Variants in ALDH2 observed in about 807,000 individuals in gnomAD.
ALDH2 encodes the protein aldehyde dehydrogenase 2 family member, also known as aldehyde dehydrogenase, mitochondrial.
In ALDH2, 44 loss-of-function variants were observed where a neutral mutation model predicts 59.6. The ratio of observed to expected loss-of-function variants is 0.74; its 90% CI spans 0.58 to 0.95. ALDH2 has a LOEUF of 0.95. Ranked by LOEUF, ALDH2 falls within the 40% of genes least tolerant of loss-of-function variation. ALDH2 has a pLI of 0.00. For missense variants in ALDH2, 570 were observed against 696.3 expected (o/e 0.82, Z 2.04); for synonymous variants, 291 against 284.0 (o/e 1.02, Z -0.25).
chr12:111,787,622 G>A (rs1023720890), intron 4 of ALDH2, among the ~76,000 whole-genome samples: 5 of 152,138 alleles, frequency 3.3e-5, no homozygotes, highest in South Asian at 2.1e-4. Context: ...TGGGCCGGGC[G>A]CAGTGGCTCA....
rs749678731 is a variant in ALDH2, at chr12:111,783,168, A to T, written c.230A>T (p.Asp77Val). 22 of 1,611,432 alleles carry T rather than the reference A, an allele frequency of 1.4e-5. No individual in the cohort carries two copies. Among genetic ancestry groups the T allele is most frequent in the Non-Finnish European group, 1.8e-5 (21 of 1,178,204 alleles). ...TCCTGTGTTTTCTAGGAAGATGTGG[A>T]CAAGGCAGTGAAGGCCGCCCGGGCC... ...QVAEGDKEDV[D>V]KAVKAARAAF... Residue 77 changes from aspartate to valine, a missense_variant, in exon 3 of 13, where the codon GAC becomes GTC. Asp to Val is a radical substitution (Grantham distance 152). Transcript: ENST00000261733.
chr12:111,789,522 A>AG (rs2136017444), intron 4 of ALDH2, among the ~76,000 whole-genome samples: 1 of 150,544 alleles, frequency 6.6e-6, no homozygotes. Flanking sequence ...AAAGAAAGAA[A>AG]AAAAAAAAAT....
chr12:111,790,364 C>A lies in ALDH2; in HGVS notation c.553-70C>A, dbSNP rs1006282909. Reference sequence around the variant, plus strand: ...GTGCTGCTTCTGCCCTCTGGGGTTGCCACCTTCTGCTACCCAGTGTAGTTC... The same window carrying A: ...GTGCTGCTTCTGCCCTCTGGGGTTGACACCTTCTGCTACCCAGTGTAGTTC... On this transcript the variant is annotated intron_variant, in intron 5 of 12. Coordinates refer to ENST00000261733, the MANE Select transcript of ALDH2 (RefSeq NM_000690.4). The A allele has an allele frequency of 1.2e-5, 19 of 1,601,708 alleles. No homozygotes were observed. In the Admixed American group the frequency reaches 2.7e-4, roughly 23 times the overall value.
chr12:111,789,485 C>T (rs2068338705), intron 4 of ALDH2, among the ~76,000 whole-genome samples: 1 of 141,952 alleles, frequency 7.0e-6, no homozygotes, highest in Non-Finnish European at 1.5e-5. Context: ...GAGCGAGACG[C>T]TGTCTCAAAA....
intron 1 of ALDH2, among the ~76,000 whole-genome samples, chr12:111,774,389 C>T (rs1593069581): frequency 1.3e-5 from 2 of 152,162 alleles, no homozygotes; most frequent in East Asian, 3.9e-4. Context: ...TGCTTTCCAT[C>T]GGACATAATC....
At position 111,783,206 on chromosome 12, in the gene ALDH2, G is replaced by A. The variant is rs927328803; in HGVS notation, c.268G>A (p.Gly90Ser). The A allele has an allele frequency of 6.2e-7, 1 of 1,613,364 alleles. No homozygotes were observed. Among genetic ancestry groups the A allele is most frequent in the African/African-American group, 1.3e-5 (1 of 75,062 alleles). Reference sequence around the variant, plus strand: ...GGCCGCCCGGGCCGCCTTCCAGCTGGGCTCACCTTGGCGCCGCATGGACGC... The same window carrying A: ...GGCCGCCCGGGCCGCCTTCCAGCTGAGCTCACCTTGGCGCCGCATGGACGC... ...VKAARAAFQLGSPWRRMDASH... is the reference protein window; with the variant it reads ...VKAARAAFQLSSPWRRMDASH... The change falls in exon 3 of 13, where the codon GGC becomes AGC. Residue 90 changes from glycine to serine, a missense_variant. Gly to Ser is a moderately conservative substitution (Grantham distance 56). Coordinates refer to ENST00000261733, the MANE Select transcript of ALDH2 (RefSeq NM_000690.4).
At chr12:111,781,554 G>T (rs1254477510) in intron 1 of ALDH2, among the ~76,000 whole-genome samples, 4 of 152,198 alleles carry the variant, frequency 2.6e-5, no homozygotes, top group Non-Finnish European at 4.4e-5. Context: ...GCCACACAAG[G>T]GAACTCTGCC....
intron 1 of ALDH2, among the ~76,000 whole-genome samples, chr12:111,779,769 C>T (rs953911960): frequency 1.3e-5 from 2 of 152,216 alleles, no homozygotes; most frequent in Non-Finnish European, 2.9e-5. Flanking sequence ...ATGGACCCTG[C>T]CAGGACACTG....
At chr12:111,777,347 C>T (rs2068240984) in intron 1 of ALDH2, among the ~76,000 whole-genome samples, 1 of 152,192 alleles carries the variant, frequency 6.6e-6, no homozygotes, top group Admixed American at 6.5e-5. Context: ...GAATGTTAGC[C>T]ATGTCCATGA....
rs1035578873 is a variant in ALDH2 at position 111,811,424 on chromosome 12, G to T, written c.*1849G>T. ...GGCAATCAGCAGTCTCTACCATCAT[G>T]TGAAACACCACTCTGTGATTTGAGT... On this transcript the variant is annotated 3_prime_UTR_variant, in exon 13 of 13. Coordinates refer to ENST00000261733, the MANE Select transcript of ALDH2 (RefSeq NM_000690.4). 4.6e-5 allele frequency: 7 copies of T among 151,864 alleles called. No homozygotes were observed. Among genetic ancestry groups the T allele is most frequent in the African/African-American group, 1.7e-4 (7 of 41,374 alleles). 9.4% of individuals were successfully genotyped at this position (151,864 alleles called of 1,614,324 possible). A position where few individuals can be genotyped will look rare whatever the true frequency, so the allele number is the denominator to read the frequency against.
chr12:111,780,649 T>C (rs1169061520), intron 1 of ALDH2, among the ~76,000 whole-genome samples: 1 of 152,180 alleles, frequency 6.6e-6, no homozygotes, highest in African/African-American at 2.4e-5. Flanking sequence ...CTGGATCCTC[T>C]TCTTCCCTTC....
chr12:111,814,967 C>T lies in ALDH2; in HGVS notation c.*5392C>T, dbSNP rs185018356. 6.6e-6 allele frequency: 1 copy of T among 152,328 alleles called. No homozygotes were observed. Among genetic ancestry groups the T allele is most frequent in the East Asian group, 1.9e-4 (1 of 5,190 alleles). 9.4% of individuals were successfully genotyped at this position (152,328 alleles called of 1,614,324 possible). On this transcript the variant is annotated 3_prime_UTR_variant, in exon 13 of 13. Coordinates refer to ENST00000261733, the MANE Select transcript of ALDH2 (RefSeq NM_000690.4). ...CTGAGCTTCCATTTCCTCACAATCT[C>T]TGCAGTCACTTCCAACTCTCATTTG...
intron 12 of ALDH2, among the ~76,000 whole-genome samples, chr12:111,809,196 G>A (rs1188639847): frequency 2.6e-5 from 4 of 152,184 alleles, no homozygotes; most frequent in African/African-American, 9.7e-5. Flanking sequence ...GCTCACGCCT[G>A]TAATCTTAGC....
At chr12:111,795,408 G>A (rs1207095180) in intron 9 of ALDH2, among the ~76,000 whole-genome samples, 1 of 151,904 alleles carries the variant, frequency 6.6e-6, no homozygotes, top group Non-Finnish European at 1.5e-5. Context: ...TCAGCCTCCT[G>A]AGTAGGTGGG....
At chr12:111,786,798 C>T (rs934540182) in intron 4 of ALDH2, among the ~76,000 whole-genome samples, 5 of 151,986 alleles carry the variant, frequency 3.3e-5, no homozygotes, top group East Asian at 1.9e-4. Context: ...CCTCCCACCT[C>T]GGCCTCCCAA....
intron 4 of ALDH2, among the ~76,000 whole-genome samples, chr12:111,786,037 T>G (rs2068306095): frequency 6.6e-6 from 1 of 152,232 alleles, no homozygotes; most frequent in African/African-American, 2.4e-5. Flanking sequence ...GGGTCTTCTC[T>G]CTGTTTCTTA....
chr12:111,799,199 T>C (rs1008990965), intron 10 of ALDH2, among the ~76,000 whole-genome samples: 1 of 149,992 alleles, frequency 6.7e-6, no homozygotes, highest in Admixed American at 6.7e-5. Flanking sequence ...GGAGTCTCAC[T>C]CTGTCGCCAG....
At chr12:111,787,253 G>A (rs963938892) in intron 4 of ALDH2, among the ~76,000 whole-genome samples, 10 of 151,952 alleles carry the variant, frequency 6.6e-5, no homozygotes, top group South Asian at 2.1e-4. Context: ...CAACTTAAAC[G>A]ATAGAGTCAA....
At chr12:111,803,164 AAC>A (rs1186295721) in intron 11 of ALDH2, among the ~76,000 whole-genome samples, 1 of 151,732 alleles carries the variant, frequency 6.6e-6, no homozygotes. Context: ...CAGCCTGGGC[AAC>A]AGAGTGAAAC....
Sources: gnomAD v4.1 joint callset for allele counts (sites outside exome capture counted in the v4.1 genomes callset) on GRCh38, gnomAD v4.1.1 for gene constraint, MANE v1.5 for transcripts, NCBI Gene and HGNC (gene_info 2026-07-23, HGNC 2026-07-21) for gene names.